The following KIF3A variants were observed in gnomAD, a reference collection of about 807,000 sequenced individuals.
The protein encoded by KIF3A is kinesin family member 3A.
A neutral mutation model predicts 92.6 loss-of-function variants in KIF3A; 27 were observed. The ratio of observed to expected loss-of-function variants is 0.29; its 90% CI spans 0.21 to 0.40. The LOEUF is 0.40. KIF3A is among the 10% of genes least tolerant of loss of function. The pLI, the probability that KIF3A is intolerant of heterozygous loss-of-function variation, is 1.00. For missense variants in KIF3A, 581 were observed against 872.6 expected (o/e 0.67, Z 4.21); for synonymous variants, 250 against 275.4 (o/e 0.91, Z 0.92).
Position 132,700,207 on chromosome 5 carries a change from T to C in KIF3A, c.2007+9A>G. On this transcript the variant is annotated intron_variant, in intron 17 of 18. Transcript: ENST00000403231. ...GTGTTTTGTTTTGTTTTTTTTTAAG[T>C]ACTCTTACATCTTTCTCCTTTTTAT... 3.4e-6 allele frequency: 5 copies of C among 1,487,852 alleles called. No homozygotes were observed. Among genetic ancestry groups the C allele is most frequent in the South Asian group, 1.2e-5 (1 of 83,856 alleles). 92.2% of individuals were successfully genotyped at this position (1,487,852 alleles called of 1,614,324 possible). A position where few individuals can be genotyped will look rare whatever the true frequency, so the allele number is the denominator to read the frequency against.
At chr5:132,706,363 A>G (rs1753210189) in intron 11 of KIF3A, 88 bp downstream of exon 11, 3 of 961,390 alleles carry the variant, frequency 3.1e-6, no homozygotes, top group Non-Finnish European at 4.4e-6. Context: ...AAAACTACTA[A>G]ATTTTAAAAA....
At position 132,726,433 on chromosome 5, in the gene KIF3A, T is replaced by G; in HGVS notation, c.346A>C (p.Ile116Leu). Reference sequence around the variant, plus strand: ...GGAATTATTCCTCTAAGTTCAGGAATAGCTCGAACACCTTCCATGGTAAAA... The same window carrying G: ...GGAATTATTCCTCTAAGTTCAGGAAGAGCTCGAACACCTTCCATGGTAAAA... Reference protein sequence around the residue: ...KTFTMEGVRAIPELRGIIPNS... With the variant: ...KTFTMEGVRALPELRGIIPNS... The change falls in exon 3 of 19, where the codon ATT (isoleucine) becomes CTT (leucine). Residue 116 changes from isoleucine (I) to leucine (L), a missense_variant. Coordinates refer to ENST00000403231, the MANE Select transcript of KIF3A (RefSeq NM_001300791.2). 1 of 1,613,734 alleles carries G rather than the reference T, an allele frequency of 6.2e-7. No individual in the cohort carries two copies.
intron 2 of KIF3A, among the ~76,000 whole-genome samples, chr5:132,729,694 C>T (rs1754160440): frequency 6.6e-6 from 1 of 151,996 alleles, no homozygotes; most frequent in Non-Finnish European, 1.5e-5. Context: ...GTATTTTGAA[C>T]TACATGAAAA....
At chr5:132,691,041 A>C (rs749523747), downstream of KIF3A, among the ~76,000 whole-genome samples, 5 of 152,230 alleles carry the variant, frequency 3.3e-5, no homozygotes, top group Non-Finnish European at 7.3e-5. Flanking sequence ...CTGGTAATCA[A>C]TGTTTGTCAA....
chr5:132,719,149 T>C (rs967282353), intron 5 of KIF3A, among the ~76,000 whole-genome samples: 17 of 152,204 alleles, frequency 1.1e-4, no homozygotes, highest in African/African-American at 3.9e-4. Flanking sequence ...TTATATTCCA[T>C]CCTCAGTGCC....
Position 132,708,991 on chromosome 5 carries a change from G to GAA in KIF3A, c.1229-15_1229-14dup. 1 of 1,541,882 alleles carries GAA rather than the reference G, an allele frequency of 6.5e-7. No individual in the cohort carries two copies. Among genetic ancestry groups the GAA allele is most frequent in the Non-Finnish European group, 8.8e-7 (1 of 1,139,348 alleles). Reference sequence around the variant, plus strand: ...CTGCTGCTACTGCCTGGAAAACAAAGAAATGAGCCCAACAGGAACCAAAGA... The same window carrying GAA: ...CTGCTGCTACTGCCTGGAAAACAAAGAAAAATGAGCCCAACAGGAACCAAAGA... On this transcript the variant is annotated splice_polypyrimidine_tract_variant and intron_variant, in intron 9 of 18. Transcript: ENST00000403231.
chr5:132,730,804 T>A (rs1334169807), intron 2 of KIF3A, among the ~76,000 whole-genome samples: 2 of 149,490 alleles, frequency 1.3e-5, no homozygotes, highest in Non-Finnish European at 3.0e-5. Flanking sequence ...AAGAAAAAAA[T>A]AATAATAATA....
intron 9 of KIF3A, 37 bp downstream of exon 9, chr5:132,710,922 C>G (rs1418176487): frequency 1.9e-6 from 3 of 1,613,274 alleles, no homozygotes; most frequent in Non-Finnish European, 2.5e-6. Flanking sequence ...GTGAAACCAC[C>G]TAATTTCTAC....
intron 1 of KIF3A, among the ~76,000 whole-genome samples, 193 bp downstream of exon 1, chr5:132,737,221 G>C (rs2277066): frequency 0.26 from 39,365 of 152,176 alleles, 8,845 homozygotes; most frequent in East Asian, 0.72. Context: ...CCAGGTCCCT[G>C]TCGAGGCCGG....
chr5:132,703,673 T>C, intron 11 of KIF3A, 54 bp from the exon 12 acceptor site: 1 of 1,308,792 alleles, frequency 7.6e-7, no homozygotes, highest in African/African-American at 1.5e-5. Context: ...TGTTTCAGAC[T>C]TATATAAATT....
intron 5 of KIF3A, among the ~76,000 whole-genome samples, chr5:132,718,649 CAG>C (rs1414014051): frequency 6.6e-6 from 1 of 151,534 alleles, no homozygotes; most frequent in Non-Finnish European, 1.5e-5. Flanking sequence ...GTTTTTGAGA[CAG>C]AGTCTTCCTC....
intron 15 of KIF3A, among the ~76,000 whole-genome samples, chr5:132,701,214 T>C (rs1206590420): frequency 1.3e-5 from 2 of 151,922 alleles, no homozygotes; most frequent in African/African-American, 2.4e-5. Context: ...TTTTAAAAAA[T>C]TGGCCAGGCA....
At chr5:132,705,845 C>A (rs1244255662) in intron 11 of KIF3A, among the ~76,000 whole-genome samples, 3 of 151,966 alleles carry the variant, frequency 2.0e-5, no homozygotes, top group Non-Finnish European at 4.4e-5. Flanking sequence ...GTAAAAGTCA[C>A]TTTTATATGT....
At chr5:132,690,678 A>G (rs901836856), downstream of KIF3A, among the ~76,000 whole-genome samples, 2 of 152,112 alleles carry the variant, frequency 1.3e-5, no homozygotes, top group African/African-American at 4.8e-5. Context: ...CTGTAATCCT[A>G]GCACTCTGGG....
At chr5:132,703,260 T>C (rs1209262240) in intron 12 of KIF3A, among the ~76,000 whole-genome samples, 195 bp from the exon 13 acceptor site, 5 of 152,188 alleles carry the variant, frequency 3.3e-5, no homozygotes, top group African/African-American at 9.6e-5. Flanking sequence ...ATTGATATGT[T>C]TTCCTATCAC....
chr5:132,723,060 G>A (rs1753879097), intron 4 of KIF3A: 1 of 152,026 alleles, frequency 6.6e-6, no homozygotes, highest in Non-Finnish European at 1.5e-5. Context: ...TTTTATTTCA[G>A]GACAAAAACG....
Position 132,711,020 on chromosome 5 carries a change from C to T in KIF3A, c.1167G>A (p.Glu389=), listed in dbSNP as rs777000156. ...EISGSDISGS[E]EDDDEEGEVG... ...CCTCACCCTCTTCATCATCATCTTC[C>T]TCTGACCCACTGATATCAGAGCCTG... Residue 389 remains glutamate, a synonymous_variant, in exon 9 of 19, where the codon GAG becomes GAA. Transcript: ENST00000403231. 1.9e-6 allele frequency: 3 copies of T among 1,612,006 alleles called. No homozygotes were observed. Among genetic ancestry groups the T allele is most frequent in the African/African-American group, 1.3e-5 (1 of 74,996 alleles).
chr5:132,731,540 A>G (rs1460443739), intron 2 of KIF3A, among the ~76,000 whole-genome samples: 1 of 152,312 alleles, frequency 6.6e-6, no homozygotes, highest in South Asian at 2.1e-4. Context: ...ACATCATCAT[A>G]CTGGTGAAAG....
chr5:132,702,938 C>T lies in KIF3A; in HGVS notation c.1594G>A (p.Glu532Lys). Reference sequence around the variant, plus strand: ...TGCTCTGCTCTTTTCCTCCTTTCTTCCAGTTCCATGTTAGATTCTTCAAGA... The same window carrying T: ...TGCTCTGCTCTTTTCCTCCTTTCTTTCAGTTCCATGTTAGATTCTTCAAGA... ...KLLEESNMEL[E>K]ERRKRAEQLR... The change falls in exon 13 of 19, where the codon GAA (glutamate) becomes AAA (lysine). Residue 532 changes from glutamate (E) to lysine (K), a missense_variant. Around this residue, in one of 5 missense-constraint regions of KIF3A, gnomAD observed 45 missense variants for 115.8 expected, o/e 0.39. Coordinates refer to ENST00000403231, the MANE Select transcript of KIF3A (RefSeq NM_001300791.2). 1 of 1,613,658 alleles carries T rather than the reference C, an allele frequency of 6.2e-7. No homozygotes were observed. Among genetic ancestry groups the T allele is most frequent in the Non-Finnish European group, 8.5e-7 (1 of 1,179,780 alleles).
Sources: gnomAD v4.1 joint callset for allele counts (sites outside exome capture counted in the v4.1 genomes callset) on GRCh38, gnomAD v4.1.1 for gene constraint, gnomAD v4.1.1 regional missense constraint, MANE v1.5 for transcripts, NCBI Gene and HGNC (gene_info 2026-07-23, HGNC 2026-07-21) for gene names.